The following ST8SIA2 variants were observed in gnomAD, a reference collection of about 807,000 sequenced individuals.
ST8SIA2 encodes alpha-2,8-sialyltransferase 8B.
ST8SIA2 carries 22 observed loss-of-function variants against 37.6 expected under a neutral mutation model. The observed-to-expected ratio is 0.58, with a 90% CI of 0.42 to 0.83. The LOEUF (loss-of-function observed/expected upper bound fraction) is 0.83, where lower values mean the gene tolerates loss of function less well. ST8SIA2 is among the 40% of genes least tolerant of loss of function. The pLI is 0.00. For synonymous variants in ST8SIA2, 205 were observed against 201.2 expected (o/e 1.02, Z -0.16); for missense variants, 382 against 484.7 (o/e 0.79, Z 1.99).
chr15:92,460,011 C>T (rs1257372124), intron 5 of ST8SIA2, among the ~76,000 whole-genome samples: 1 of 152,210 alleles, frequency 6.6e-6, no homozygotes, highest in Non-Finnish European at 1.5e-5. Context: ...CACCATTCCC[C>T]ACTGCCTTCA....
intron 1 of ST8SIA2, among the ~76,000 whole-genome samples, chr15:92,394,955 C>T (rs1288721757): frequency 2.0e-5 from 3 of 152,122 alleles, no homozygotes; most frequent in African/African-American, 4.8e-5. Context: ...CTCCCGACCT[C>T]GCCAGAGGTA....
chr15:92,468,495 G>A lies in ST8SIA2; in HGVS notation c.*4110G>A, dbSNP rs972913830. 5.2e-5 allele frequency: 8 copies of A among 152,650 alleles called. No homozygotes were observed. Among genetic ancestry groups the A allele is most frequent in the African/African-American group, 1.9e-4 (8 of 41,434 alleles). The allele number at this position is 152,650 out of a possible 1,614,324, so 9.5% of individuals were successfully genotyped here. A position where few individuals can be genotyped will look rare whatever the true frequency, so the allele number is the denominator to read the frequency against. ...CCCTCCCTGATGTACCAACCACTGGGATCTCTCCCTCTGCTGAACCACCGT... is the reference window on the plus strand; with the variant it reads ...CCCTCCCTGATGTACCAACCACTGGAATCTCTCCCTCTGCTGAACCACCGT... On this transcript the variant is annotated 3_prime_UTR_variant, in exon 6 of 6. Transcript: ENST00000268164.
At chr15:92,463,397 G>A (rs1208771696) in intron 5 of ST8SIA2, among the ~76,000 whole-genome samples, 1 of 152,184 alleles carries the variant, frequency 6.6e-6, no homozygotes, top group Non-Finnish European at 1.5e-5. Context: ...GGGCCCCCAG[G>A]GTAGTCACCC....
chr15:92,402,483 G>T (rs997344065), intron 1 of ST8SIA2, among the ~76,000 whole-genome samples: 1 of 152,166 alleles, frequency 6.6e-6, no homozygotes, highest in African/African-American at 2.4e-5. Context: ...CAGGAACAAG[G>T]ATAATTCTCC....
At chr15:92,402,071 A>G (rs1409433684) in intron 1 of ST8SIA2, among the ~76,000 whole-genome samples, 2 of 152,180 alleles carry the variant, frequency 1.3e-5, no homozygotes, top group Admixed American at 6.5e-5. Context: ...GATGGTAGCT[A>G]TGAAATTCTC....
At chr15:92,413,934 ACC>A (rs1452715070) in intron 1 of ST8SIA2, among the ~76,000 whole-genome samples, 4 of 152,196 alleles carry the variant, frequency 2.6e-5, no homozygotes, top group African/African-American at 9.7e-5. Context: ...GTCTATAGGC[ACC>A]AGCCCAGACC....
intron 5 of ST8SIA2, among the ~76,000 whole-genome samples, chr15:92,461,924 A>C (rs1758680070): frequency 6.6e-6 from 1 of 152,206 alleles, no homozygotes; most frequent in Non-Finnish European, 1.5e-5. Context: ...CTGTGTTTGC[A>C]GTTACCAGCC....
intron 3 of ST8SIA2, among the ~76,000 whole-genome samples, chr15:92,436,420 C>A (rs1471299766): frequency 6.6e-6 from 1 of 152,146 alleles, no homozygotes; most frequent in Non-Finnish European, 1.5e-5. Flanking sequence ...CAACAATGTA[C>A]CTTTACCCAG....
At chr15:92,421,618 A>G (rs1017969332) in intron 1 of ST8SIA2, among the ~76,000 whole-genome samples, 2 of 152,230 alleles carry the variant, frequency 1.3e-5, no homozygotes, top group African/African-American at 4.8e-5. Flanking sequence ...ATACTCAAAG[A>G]TCATACAGAT....
rs1419269827 is a variant in ST8SIA2, at chr15:92,464,951, C to G, written c.*566C>G. 1 of 159,196 alleles carries G rather than the reference C, an allele frequency of 6.3e-6. No individual in the cohort carries two copies. The highest frequency in any genetic ancestry group is 2.4e-5 in the African/African-American group (1 of 41,436). 9.9% of individuals were successfully genotyped at this position (159,196 alleles called of 1,614,324 possible). ...CAGAGGCCCCATCAGCACAGAGGGCCTCGTTCCACGAACGTAGAGTTTGAC... is the reference window on the plus strand; with the variant it reads ...CAGAGGCCCCATCAGCACAGAGGGCGTCGTTCCACGAACGTAGAGTTTGAC... On this transcript the variant is annotated 3_prime_UTR_variant, in exon 6 of 6. Transcript: ENST00000268164.
intron 1 of ST8SIA2, among the ~76,000 whole-genome samples, chr15:92,429,401 C>A (rs555879845): frequency 6.6e-6 from 1 of 151,940 alleles, no homozygotes; most frequent in Non-Finnish European, 1.5e-5. Context: ...CTGGAAAGGG[C>A]CTTAGAGTGC....
intron 5 of ST8SIA2, among the ~76,000 whole-genome samples, chr15:92,453,163 A>T (rs1203885717): frequency 4.6e-5 from 7 of 152,082 alleles, no homozygotes; most frequent in Non-Finnish European, 8.8e-5. Flanking sequence ...AGTGATCTCT[A>T]CTATCTCCAC....
At chr15:92,429,368 G>T (rs2049698797) in intron 1 of ST8SIA2, among the ~76,000 whole-genome samples, 1 of 152,184 alleles carries the variant, frequency 6.6e-6, no homozygotes, top group South Asian at 2.1e-4. Context: ...ATGGGATTTG[G>T]CAGAACCGAA....
intron 1 of ST8SIA2, among the ~76,000 whole-genome samples, chr15:92,412,285 G>C (rs1361785047): frequency 2.7e-5 from 4 of 150,676 alleles, no homozygotes; most frequent in African/African-American, 7.3e-5. Flanking sequence ...GGAAGGAAGG[G>C]GGGAGAGGTT....
At chr15:92,398,781 C>G (rs2141794807) in intron 1 of ST8SIA2, among the ~76,000 whole-genome samples, 1 of 152,330 alleles carries the variant, frequency 6.6e-6, no homozygotes, top group East Asian at 1.9e-4. Flanking sequence ...ATGCTCTTGA[C>G]CATTGTGCTA....
At chr15:92,421,645 A>G (rs1303688145) in intron 1 of ST8SIA2, among the ~76,000 whole-genome samples, 1 of 152,244 alleles carries the variant, frequency 6.6e-6, no homozygotes, top group Non-Finnish European at 1.5e-5. Flanking sequence ...TTGTTCAGCT[A>G]TAATTACAGA....
At chr15:92,408,128 C>G (rs17599821) in intron 1 of ST8SIA2, among the ~76,000 whole-genome samples, 1 of 151,952 alleles carries the variant, frequency 6.6e-6, no homozygotes, top group Non-Finnish European at 1.5e-5. Context: ...TGTCTGGAAA[C>G]GGCCCAGCAC....
chr15:92,464,136 C>T lies in ST8SIA2; in HGVS notation c.879C>T (p.Pro293=). 6.2e-7 allele frequency: 1 copy of T among 1,600,272 alleles called. No individual in the cohort carries two copies. Among genetic ancestry groups the T allele is most frequent in the Non-Finnish European group, 8.5e-7 (1 of 1,173,418 alleles). Residue 293 remains proline (P), a synonymous_variant, in exon 6 of 6, where the codon CCC becomes CCT. Coordinates refer to ENST00000268164, the MANE Select transcript of ST8SIA2 (RefSeq NM_006011.4). ...WLTNKVHIKR[P]TTGLLMYTLA... ...CCAACAAAGTCCACATCAAAAGACC[C>T]ACCACCGGCCTCTTGATGTATACCC...
At chr15:92,401,446 G>A (rs921642110) in intron 1 of ST8SIA2, among the ~76,000 whole-genome samples, 12 of 152,224 alleles carry the variant, frequency 7.9e-5, no homozygotes, top group African/African-American at 2.9e-4. Context: ...GGACCTGTGT[G>A]TCCCATGTTT....
Sources: gnomAD v4.1 joint callset for allele counts (sites outside exome capture counted in the v4.1 genomes callset) on GRCh38, gnomAD v4.1.1 for gene constraint, MANE v1.5 for transcripts, NCBI Gene and HGNC (gene_info 2026-07-23, HGNC 2026-07-21) for gene names.